Variants in DGKB observed in about 807,000 individuals in gnomAD.
DGKB encodes the protein 90 kDa diacylglycerol kinase.
A neutral mutation model predicts 114.3 loss-of-function variants in DGKB; 67 were observed. The observed-to-expected ratio is 0.59, with a 90% CI of 0.48 to 0.72. The LOEUF (loss-of-function observed/expected upper bound fraction) is 0.72. Ranked by LOEUF, DGKB falls within the 30% of genes least tolerant of loss-of-function variation. DGKB has a pLI of 0.00. For synonymous variants in DGKB, 398 were observed against 323.1 expected, an observed-to-expected ratio of 1.23 and a Z score of -2.49; for missense variants, 907 against 975.2, an observed-to-expected ratio of 0.93 and a Z score of 0.93.
chr7:14,823,827 C>G (rs1040207776), intron 2 of DGKB, among the ~76,000 whole-genome samples: 1 of 152,060 alleles, frequency 6.6e-6, no homozygotes, highest in Non-Finnish European at 1.5e-5. Flanking sequence ...GTTGCCCTTG[C>G]CTACTAATCT....
At chr7:14,966,743 A>G (rs1787172237) in intron 1 of DGKB, among the ~76,000 whole-genome samples, 1 of 152,092 alleles carries the variant, frequency 6.6e-6, no homozygotes, top group East Asian at 1.9e-4. Context: ...AATCTAATTA[A>G]TTTTTAATTT....
intron 21 of DGKB, among the ~76,000 whole-genome samples, chr7:14,439,072 C>T (rs1000459874): frequency 6.6e-5 from 10 of 151,634 alleles, no homozygotes; most frequent in Non-Finnish European, 1.3e-4. Context: ...ATATCTCCAA[C>T]TAAAGTGTCT....
intron 23 of DGKB, among the ~76,000 whole-genome samples, chr7:14,218,908 C>T (rs1287844176): frequency 6.6e-6 from 1 of 151,840 alleles, no homozygotes; most frequent in African/African-American, 2.4e-5. Flanking sequence ...CTGCTGTATT[C>T]TCCAATCCCC....
At chr7:14,789,494 T>C (rs1451337918) in intron 2 of DGKB, among the ~76,000 whole-genome samples, 4 of 152,198 alleles carry the variant, frequency 2.6e-5, no homozygotes, top group East Asian at 3.9e-4. Flanking sequence ...CATTCACCAG[T>C]TGAAGACTAT....
At chr7:14,867,787 T>G (rs963491396) in intron 1 of DGKB, among the ~76,000 whole-genome samples, 1 of 152,148 alleles carries the variant, frequency 6.6e-6, no homozygotes, top group South Asian at 2.1e-4. Context: ...AAAATACGGT[T>G]CCTTAGCATA....
chr7:14,661,901 T>C (rs1220332862), intron 13 of DGKB, among the ~76,000 whole-genome samples: 1 of 152,130 alleles, frequency 6.6e-6, no homozygotes, highest in African/African-American at 2.4e-5. Flanking sequence ...TCACGTCCTT[T>C]GTAGGGACAT....
chr7:14,395,424 T>C (rs927414010), intron 21 of DGKB, among the ~76,000 whole-genome samples: 8 of 152,112 alleles, frequency 5.3e-5, no homozygotes, highest in African/African-American at 1.9e-4. Context: ...ATAAACCTGT[T>C]ACACAATATT....
At chr7:14,444,059 A>T (rs564397307) in intron 21 of DGKB, among the ~76,000 whole-genome samples, 62 of 151,688 alleles carry the variant, frequency 4.1e-4, no homozygotes, top group African/African-American at 1.4e-3. Flanking sequence ...ATTTTTTCTA[A>T]TTTAAATATT....
chr7:14,337,578 A>ATAAAGC (rs1491204324), intron 23 of DGKB, among the ~76,000 whole-genome samples: 1 of 152,134 alleles, frequency 6.6e-6, no homozygotes, highest in Non-Finnish European at 1.5e-5. Flanking sequence ...ACACCAAAAC[A>ATAAAGC]TAAAGCTATT....
intron 25 of DGKB, among the ~76,000 whole-genome samples, chr7:14,173,419 G>A (rs1198866735): frequency 6.6e-6 from 1 of 152,104 alleles, no homozygotes; most frequent in Non-Finnish European, 1.5e-5. Context: ...TCACATTGTT[G>A]TGTCACCATC....
chr7:14,711,759 C>T (rs1385514477), intron 6 of DGKB, among the ~76,000 whole-genome samples: 1 of 151,996 alleles, frequency 6.6e-6, no homozygotes, highest in African/African-American at 2.4e-5. Flanking sequence ...AAGCTCTCTT[C>T]CCCAACAGAA....
intron 1 of DGKB, among the ~76,000 whole-genome samples, chr7:14,843,743 A>G (rs1410819749): frequency 1.3e-5 from 2 of 152,258 alleles, no homozygotes; most frequent in African/African-American, 4.8e-5. Context: ...TTATTCAAAT[A>G]TTTGTTGAGC....
At chr7:14,543,628 G>T (rs1261616095) in intron 20 of DGKB, among the ~76,000 whole-genome samples, 1 of 152,106 alleles carries the variant, frequency 6.6e-6, no homozygotes, top group Non-Finnish European at 1.5e-5. Context: ...GACAATAATA[G>T]TAACTTGCTC....
In DGKB at chr7:14,354,499, T is replaced by C. The variant is rs370434630; in HGVS notation, c.1836-9108A>G. 4.2e-4 allele frequency among the ~76,000 whole-genome samples: 64 copies of C among 152,308 alleles called. 1 individual carries two copies. The South Asian group carries it at 0.012, about 29-fold the overall frequency. On this transcript the variant is annotated intron_variant, in intron 21 of 25. Coordinates refer to ENST00000402815, the MANE Select transcript of DGKB (RefSeq NM_001350709.2). ...AGTACTGTTATAAGAATTGGAATTA[T>C]GTTTATACAAGAAAAGAAGAGATCT...
At position 14,716,459 on chromosome 7, in the gene DGKB, G is replaced by C. The variant is rs16878275; in HGVS notation, c.466+2083C>G. On this transcript the variant is annotated intron_variant, in intron 6 of 25. Transcript: ENST00000402815. ...TAATTTTAGGTACTTGTTCACATCT[G>C]TTTCTGTGTTAATTATAATTGCTTT... 4.6e-3 allele frequency among the ~76,000 whole-genome samples: 698 copies of C among 152,172 alleles called. 6 individuals are homozygous for C. Among genetic ancestry groups the C allele is most frequent in the Non-Finnish European group, 8.4e-3 (572 of 67,996 alleles).
At chr7:14,398,528 A>G (rs1011227928) in intron 21 of DGKB, among the ~76,000 whole-genome samples, 1 of 152,100 alleles carries the variant, frequency 6.6e-6, no homozygotes, top group Non-Finnish European at 1.5e-5. Flanking sequence ...TTTTATAAAA[A>G]AGAAAACTTA....
At chr7:14,838,361 T>C (rs1847439649) in intron 2 of DGKB, among the ~76,000 whole-genome samples, 1 of 152,136 alleles carries the variant, frequency 6.6e-6, no homozygotes, top group Non-Finnish European at 1.5e-5. Flanking sequence ...TAGTAATGTT[T>C]CATATAATAC....
intron 23 of DGKB, among the ~76,000 whole-genome samples, chr7:14,254,459 A>G (rs1301412356): frequency 2.6e-5 from 4 of 152,194 alleles, no homozygotes; most frequent in Non-Finnish European, 4.4e-5. Flanking sequence ...AGAATATAGA[A>G]TCAGATGATT....
At chr7:14,966,305 A>G (rs1787145636) in intron 1 of DGKB, among the ~76,000 whole-genome samples, 1 of 152,114 alleles carries the variant, frequency 6.6e-6, no homozygotes, top group South Asian at 2.1e-4. Flanking sequence ...CATGAAAGAC[A>G]TAATAAAAAC....
Sources: allele counts gnomAD v4.1 joint callset (sites outside exome capture counted in the v4.1 genomes callset), GRCh38; gene constraint gnomAD v4.1.1; transcripts MANE v1.5; gene names NCBI Gene and HGNC (gene_info 2026-07-23, HGNC 2026-07-21).